The following ETS1 variants were observed in gnomAD, a reference collection of about 807,000 sequenced individuals.
ETS1 encodes protein C-ets-1.
A neutral mutation model predicts 58.6 loss-of-function variants in ETS1; 15 were observed. The ratio of observed to expected loss-of-function variants is 0.26; its 90% CI spans 0.17 to 0.39. ETS1 has a LOEUF of 0.39. ETS1 is among the 10% of genes least tolerant of loss of function. The pLI, the probability that ETS1 is intolerant of heterozygous loss-of-function variation, is 1.00. For synonymous variants in ETS1, 214 were observed against 218.2 expected, an observed-to-expected ratio of 0.98 and a Z score of 0.17; for missense variants, 417 against 610.5, an observed-to-expected ratio of 0.68 and a Z score of 3.34.
intron 3 of ETS1, among the ~76,000 whole-genome samples, chr11:128,551,586 T>C (rs142378368): frequency 6.6e-6 from 1 of 152,360 alleles, no homozygotes; most frequent in East Asian, 1.9e-4. Flanking sequence ...GGAAACCATT[T>C]GCTCTAGCAT....
In ETS1 at chr11:128,490,580, C is replaced by A. The variant is rs1251373197; in HGVS notation, c.215-4G>T. ...GGGACATCTGCACATTCCATATCTG[C>A]ATGAAAAAATTGCATATGAATAACA... On this transcript the variant is annotated splice_polypyrimidine_tract_variant and splice_region_variant and intron_variant, in intron 3 of 9. Transcript: ENST00000392668. 1.2e-6 allele frequency: 2 copies of A among 1,607,666 alleles called. No homozygotes were observed. The highest frequency in any genetic ancestry group is 1.7e-6 in the Non-Finnish European group (2 of 1,175,624).
At chr11:128,538,781 CACACA>C (rs1377810015) in intron 3 of ETS1, among the ~76,000 whole-genome samples, 2 of 115,046 alleles carry the variant, frequency 1.7e-5, no homozygotes, top group African/African-American at 5.8e-5. Flanking sequence ...CACACACACA[CACACA>C]CACACCAAAC....
intron 7 of ETS1, among the ~76,000 whole-genome samples, chr11:128,481,559 T>C (rs573191659): frequency 2.6e-5 from 4 of 152,314 alleles, no homozygotes; most frequent in Admixed American, 2.0e-4. Context: ...GACTAGATGG[T>C]CACCTCAATT....
rs527321437 is a variant in ETS1, at chr11:128,566,600, A to T, written c.69+6462T>A. ...AGATCGAGACCATCCTGGCTAACAC[A>T]GTGAAACCCCGTCTCTACTAAAAAT... On this transcript the variant is annotated intron_variant, in intron 2 of 9. Coordinates refer to ENST00000392668, the MANE Select transcript of ETS1 (RefSeq NM_001143820.2). Among the ~76,000 whole-genome samples the T allele has an allele frequency of 6.7e-4, 102 of 152,014 alleles. No individual in the cohort carries two copies. The East Asian group carries it at 0.013, about 19-fold the overall frequency.
At chr11:128,520,205 C>T (rs1461523829) in intron 3 of ETS1, among the ~76,000 whole-genome samples, 4 of 152,182 alleles carry the variant, frequency 2.6e-5, no homozygotes, top group Admixed American at 2.6e-4. Context: ...ACTGAAATGA[C>T]GGCACCATAT....
intron 3 of ETS1, among the ~76,000 whole-genome samples, chr11:128,519,886 G>C (rs1863619042): frequency 6.6e-6 from 1 of 152,076 alleles, no homozygotes; most frequent in East Asian, 1.9e-4. Context: ...GTTGATTATA[G>C]TCTATATATT....
intron 2 of ETS1, among the ~76,000 whole-genome samples, chr11:128,565,380 G>C (rs1032469733): frequency 1.3e-5 from 2 of 152,190 alleles, no homozygotes; most frequent in African/African-American, 4.8e-5. Flanking sequence ...GAACATTCCA[G>C]CATCCAGAAC....
At chr11:128,482,835 A>G (rs1862525808) in intron 7 of ETS1, among the ~76,000 whole-genome samples, 1 of 152,162 alleles carries the variant, frequency 6.6e-6, no homozygotes, top group Non-Finnish European at 1.5e-5. Flanking sequence ...ATCTGAGTCC[A>G]CCAAACAGAC....
intron 2 of ETS1, among the ~76,000 whole-genome samples, chr11:128,566,536 C>T (rs1194536185): frequency 6.6e-6 from 1 of 152,130 alleles, no homozygotes; most frequent in East Asian, 1.9e-4. Flanking sequence ...GTAATCCCAG[C>T]ACTTTGGGAG....
intron 8 of ETS1, among the ~76,000 whole-genome samples, chr11:128,477,834 G>T: frequency 6.6e-6 from 1 of 152,194 alleles, no homozygotes; most frequent in East Asian, 1.9e-4. Context: ...ATAATTGAGG[G>T]TTTTTTTCTC....
At chr11:128,564,213 A>C (rs1330759541) in intron 2 of ETS1, among the ~76,000 whole-genome samples, 1 of 152,208 alleles carries the variant, frequency 6.6e-6, no homozygotes, top group Non-Finnish European at 1.5e-5. Flanking sequence ...TTTGCTGATC[A>C]AGCCTGAGGG....
chr11:128,490,342 G>A (rs755059434), intron 4 of ETS1, 115 bp downstream of exon 4: 3 of 1,065,470 alleles, frequency 2.8e-6, no homozygotes, highest in Non-Finnish European at 2.8e-6. Context: ...ATGGCCCATA[G>A]CTGCTGACTC....
intron 3 of ETS1, among the ~76,000 whole-genome samples, chr11:128,500,376 C>T (rs1341916791): frequency 1.3e-5 from 2 of 152,208 alleles, no homozygotes; most frequent in East Asian, 1.9e-4. Flanking sequence ...AGGAAATTCT[C>T]TCTCAACTTT....
intron 3 of ETS1, among the ~76,000 whole-genome samples, chr11:128,530,771 T>C (rs1214256168): frequency 7.2e-5 from 11 of 152,250 alleles, no homozygotes; most frequent in Non-Finnish European, 1.3e-4. Context: ...TTTCCAGGAA[T>C]TTAAAATTCT....
At chr11:128,516,441 A>C (rs1162554816) in intron 3 of ETS1, among the ~76,000 whole-genome samples, 1 of 152,218 alleles carries the variant, frequency 6.6e-6, no homozygotes, top group Non-Finnish European at 1.5e-5. Context: ...TTCATTAAGG[A>C]GCAGCTAAAT....
At chr11:128,515,541 T>C (rs905047970) in intron 3 of ETS1, among the ~76,000 whole-genome samples, 1 of 152,176 alleles carries the variant, frequency 6.6e-6, no homozygotes, top group Non-Finnish European at 1.5e-5. Flanking sequence ...AACCCTGAAA[T>C]TGGCAATTGA....
At chr11:128,554,139 T>A (rs1864278039) in intron 3 of ETS1, among the ~76,000 whole-genome samples, 1 of 152,136 alleles carries the variant, frequency 6.6e-6, no homozygotes, top group Admixed American at 6.5e-5. Flanking sequence ...CTCCTTCGTC[T>A]GGGAAGCTCA....
chr11:128,500,147 G>T (rs1031011531), intron 3 of ETS1, among the ~76,000 whole-genome samples: 1 of 152,126 alleles, frequency 6.6e-6, no homozygotes, highest in Non-Finnish European at 1.5e-5. Context: ...GGGGGTAGCC[G>T]CCAAGGGAGA....
chr11:128,493,890 T>C (rs1329725103), intron 3 of ETS1, among the ~76,000 whole-genome samples: 1 of 152,230 alleles, frequency 6.6e-6, no homozygotes, highest in Non-Finnish European at 1.5e-5. Context: ...TGTTTGCAGA[T>C]TGTAGCAGTT....
Sources: gnomAD v4.1 joint callset for allele counts (sites outside exome capture counted in the v4.1 genomes callset) on GRCh38, gnomAD v4.1.1 for gene constraint, MANE v1.5 for transcripts, NCBI Gene and HGNC (gene_info 2026-07-23, HGNC 2026-07-21) for gene names.